The following NDC1 variants were observed in gnomAD, a reference collection of about 807,000 sequenced individuals.
NDC1 encodes nucleoporin NDC1.
A neutral mutation model predicts 89.8 loss-of-function variants in NDC1; 24 were observed. The ratio of observed to expected loss-of-function variants is 0.27; its 90% confidence interval spans 0.19 to 0.38. NDC1 has a LOEUF of 0.38. NDC1 is among the 10% of genes least tolerant of loss of function. NDC1 has a pLI of 1.00. For missense variants in NDC1, 728 were observed against 797.6 expected (o/e 0.91, Z 1.05); for synonymous variants, 296 against 284.8 (o/e 1.04, Z -0.39).
intron 16 of NDC1, among the ~76,000 whole-genome samples, chr1:53,773,844 T>G (rs1006670155): frequency 6.6e-6 from 1 of 152,174 alleles, no homozygotes; most frequent in Non-Finnish European, 1.5e-5. Context: ...TGTTCTACTC[T>G]CTCTTAAAGG....
At chr1:53,830,459 C>T (rs867454728) in intron 3 of NDC1, among the ~76,000 whole-genome samples, 2 of 150,228 alleles carry the variant, frequency 1.3e-5, no homozygotes, top group Admixed American at 6.7e-5. Flanking sequence ...ATCTTGGAGA[C>T]CAAAAACAGA....
chr1:53,804,383 T>G (rs1361639533), intron 9 of NDC1, among the ~76,000 whole-genome samples: 2 of 152,256 alleles, frequency 1.3e-5, no homozygotes, highest in African/African-American at 4.8e-5. Flanking sequence ...TTGTCCCATC[T>G]GATTCCACCC....
At chr1:53,807,246 CAAAAAAAAAAAAAA>C (rs56393499) in intron 8 of NDC1, among the ~76,000 whole-genome samples, 4 of 55,268 alleles carry the variant, frequency 7.2e-5, no homozygotes, top group African/African-American at 3.0e-4. Flanking sequence ...GACCCTATCT[CAAAAAAAAAAAAAA>C]AAAAAAAAAA....
At chr1:53,810,343 C>G (rs1648261672) in intron 6 of NDC1, among the ~76,000 whole-genome samples, 1 of 151,412 alleles carries the variant, frequency 6.6e-6, no homozygotes, top group Non-Finnish European at 1.5e-5. Flanking sequence ...GCGCATGACC[C>G]CTGCGCAAGG....
intron 3 of NDC1, among the ~76,000 whole-genome samples, chr1:53,830,704 T>C (rs183421653): frequency 6.8e-6 from 1 of 146,252 alleles, no homozygotes; most frequent in African/African-American, 2.5e-5. Flanking sequence ...CTACTAAAAA[T>C]AGAAAAAATT....
In NDC1 at chr1:53,767,918, T is replaced by A; in HGVS notation, c.*52A>T. Reference sequence around the variant, plus strand: ...ATCCAAGAATGCTGAACATTTACTGTCCCATCTGTAGTTGTATCAGCAGTG... The same window carrying A: ...ATCCAAGAATGCTGAACATTTACTGACCCATCTGTAGTTGTATCAGCAGTG... On this transcript the variant is annotated 3_prime_UTR_variant, in exon 18 of 18. Transcript: ENST00000371429. The A allele has an allele frequency of 9.1e-7, 1 of 1,098,156 alleles. No individual in the cohort carries two copies. The highest frequency in any genetic ancestry group is 1.5e-5 in the South Asian group (1 of 66,804). 68.0% of individuals were successfully genotyped at this position (1,098,156 alleles called of 1,614,324 possible). A position where few individuals can be genotyped will look rare whatever the true frequency, so the allele number is the denominator to read the frequency against.
Position 53,789,177 on chromosome 1 carries a change from T to G in NDC1, c.1655A>C (p.Gln552Pro), listed in dbSNP as rs754591838. 4.3e-6 allele frequency: 7 copies of G among 1,610,504 alleles called. No homozygotes were observed. Among genetic ancestry groups the G allele is most frequent in the Non-Finnish European group, 5.9e-6 (7 of 1,178,058 alleles). Residue 552 changes from glutamine to proline, a missense_variant, in exon 15 of 18, where the codon CAG becomes CCG. Transcript: ENST00000371429. ...FFSKHPEASI[Q>P]AVFSDAQMHI... The stretch of plus-strand genomic sequence containing the variant: ...CATTTGGGCATCTGAAAAAACAGCC[T>G]GAATGGAGGCCTCTGGGTGCTACAA...
At chr1:53,832,661 TA>T in intron 2 of NDC1, 70 bp from the exon 3 acceptor site, 1 of 745,434 alleles carries the variant, frequency 1.3e-6, no homozygotes, top group South Asian at 1.7e-5. Flanking sequence ...CACTGCAATA[TA>T]AAAAGAGCTT....
intron 10 of NDC1, among the ~76,000 whole-genome samples, chr1:53,801,477 ATAG>A (rs1464696068): frequency 6.6e-6 from 1 of 152,198 alleles, no homozygotes; most frequent in Non-Finnish European, 1.5e-5. Flanking sequence ...CTTATTTCTC[ATAG>A]TAGATCTTTG....
intron 6 of NDC1, among the ~76,000 whole-genome samples, chr1:53,813,894 T>A (rs756928804): frequency 3.3e-5 from 5 of 152,150 alleles, no homozygotes; most frequent in African/African-American, 1.2e-4. Context: ...CAAACCTCAA[T>A]AAATTTCAGA....
chr1:53,821,593 C>T lies in NDC1; in HGVS notation c.595-2514G>A, dbSNP rs117725598. On this transcript the variant is annotated intron_variant, in intron 5 of 17. Coordinates refer to ENST00000371429, the MANE Select transcript of NDC1 (RefSeq NM_018087.5). ...GCCACTGGGTGCTACCACCACCACA[C>T]ACCTGCCCCAATAAAAACGCCATAG... Among the ~76,000 whole-genome samples, 103 of 152,318 alleles carry T rather than the reference C, an allele frequency of 6.8e-4. 1 individual carries two copies. The East Asian group carries it at 0.015, about 23-fold the overall frequency.
At chr1:53,781,263 C>CTTG (rs912998048) in intron 16 of NDC1, among the ~76,000 whole-genome samples, 1 of 152,150 alleles carries the variant, frequency 6.6e-6, no homozygotes, top group Non-Finnish European at 1.5e-5. Context: ...GAGGATAATA[C>CTTG]TTGTTGTCCA....
At chr1:53,828,676 A>G (rs577431048) in intron 3 of NDC1, among the ~76,000 whole-genome samples, 52 of 151,838 alleles carry the variant, frequency 3.4e-4, no homozygotes, top group Middle Eastern at 6.8e-3. Context: ...CAGTGGCGCA[A>G]TCTTGGCTCA....
At chr1:53,805,827 C>T (rs973679985) in intron 9 of NDC1, among the ~76,000 whole-genome samples, 5 of 152,192 alleles carry the variant, frequency 3.3e-5, no homozygotes, top group Admixed American at 2.0e-4. Context: ...GTAATCCCAG[C>T]ACTTTGGGAG....
At chr1:53,789,653 G>T (rs771427498) in intron 14 of NDC1, among the ~76,000 whole-genome samples, 3 of 151,662 alleles carry the variant, frequency 2.0e-5, no homozygotes, top group Non-Finnish European at 4.4e-5. Flanking sequence ...CAAAAAATTA[G>T]CTGGGCGTGG....
chr1:53,782,245 A>G (rs777931227), intron 16 of NDC1, among the ~76,000 whole-genome samples: 3 of 152,228 alleles, frequency 2.0e-5, no homozygotes, highest in Non-Finnish European at 4.4e-5. Context: ...TGGGAATAGC[A>G]GAGTGGCTGG....
rs757264412 is a variant in NDC1 at position 53,796,924 on chromosome 1, C to T, written c.1443G>A (p.Gly481=). Residue 481 remains glycine (G), a synonymous_variant, in exon 12 of 18, where the codon GGG becomes GGA. Coordinates refer to ENST00000371429, the MANE Select transcript of NDC1 (RefSeq NM_018087.5). ...CAGAAGCTGATGTCCACAATCTTGG[C>T]CCCCTTCTTATTAGCTGAGGACTTT... ...SPQSPQLIRR[G]PRLWTSASDQ... 1.2e-6 allele frequency: 2 copies of T among 1,614,128 alleles called. No individual in the cohort carries two copies. The highest frequency in any genetic ancestry group is 8.5e-7 in the Non-Finnish European group (1 of 1,180,020).
At chr1:53,790,298 G>A (rs191457093) in intron 14 of NDC1, among the ~76,000 whole-genome samples, 91 of 151,674 alleles carry the variant, frequency 6.0e-4, no homozygotes, top group African/African-American at 2.1e-3. Flanking sequence ...CCGGGAGGCA[G>A]AGGTTGTAAT....
rs1428412793 is a variant in NDC1 at position 53,800,933 on chromosome 1, C to G, written c.1067-85G>C. The G allele has an allele frequency of 3.2e-5, 42 of 1,321,464 alleles. No homozygotes were observed. In the Admixed American group the frequency reaches 7.1e-4, roughly 22 times the overall value. The allele number at this position is 1,321,464 out of a possible 1,614,324, so 81.9% of individuals were successfully genotyped here. On this transcript the variant is annotated intron_variant, in intron 10 of 17. Transcript: ENST00000371429. The stretch of plus-strand genomic sequence containing the variant: ...TGGGGGAAAAAGTCAGTAAGAAATT[C>G]TACATTATGCTTGGCATCAGGACCC...
Sources: gnomAD v4.1 joint callset for allele counts (sites outside exome capture counted in the v4.1 genomes callset) on GRCh38, gnomAD v4.1.1 for gene constraint, MANE v1.5 for transcripts, NCBI Gene and HGNC (gene_info 2026-07-23, HGNC 2026-07-21) for gene names.